SEMA4D: variants seen among roughly 807,000 people sequenced by gnomAD.
The protein encoded by SEMA4D is semaphorin-4D.
SEMA4D carries 22 observed loss-of-function variants against 74.8 expected under a neutral mutation model. The observed-to-expected ratio is 0.29, with a 90% CI of 0.21 to 0.42. SEMA4D has a LOEUF of 0.42. SEMA4D is among the 10% of genes least tolerant of loss of function. The probability of loss-of-function intolerance (pLI) is 1.00; values close to 1 mark genes in which losing one functional copy is unlikely to be tolerated. For missense variants in SEMA4D, 937 were observed against 1,118.4 expected, an observed-to-expected ratio of 0.84 and a Z score of 2.31; for synonymous variants, 445 against 463.7, an observed-to-expected ratio of 0.96 and a Z score of 0.52.
chr9:89,364,067 ACAACTTC>A, intron 16 of SEMA4D: 1 of 1,590,476 alleles, frequency 6.3e-7, no homozygotes, highest in Non-Finnish European at 8.6e-7. Flanking sequence ...GTGACTTGGG[ACAACTTC>A]CAATTCAGTC....
rs932693544 is a variant in SEMA4D, at chr9:89,379,148, G to C, written c.2145C>G (p.Asn715Lys). 1.9e-6 allele frequency: 3 copies of C among 1,614,124 alleles called. No homozygotes were observed. The African/African-American group carries it at 4.0e-5, about 22-fold the overall frequency. Residue 715 changes from asparagine to lysine, a missense_variant, in exon 16 of 16, where the codon AAC becomes AAG. By Grantham distance (94) the Asn-to-Lys change is moderately conservative. Transcript: ENST00000422704. ...TCTCCGAGTGGAGCTGGGGGACCGT[G>C]TTGATGACGATCTTTGGTTCGCAGG... ...GTSCEPKIVI[N>K]TVPQLHSEKT...
chr9:89,483,535 T>C lies in SEMA4D; in HGVS notation c.-310+14384A>G, dbSNP rs550862904. 4.6e-5 allele frequency among the ~76,000 whole-genome samples: 7 copies of C among 152,324 alleles called. No individual in the cohort carries two copies. The East Asian group carries it at 5.8e-4, about 13-fold the overall frequency. On this transcript the variant is annotated intron_variant, in intron 1 of 15. Transcript: ENST00000422704. ...GATAATAATACATAGTGTACACACA[T>C]TGACGTCACGCTAAAATTTTTACAT...
At chr9:89,397,273 A>G (rs538333718) in intron 5 of SEMA4D, among the ~76,000 whole-genome samples, 40 of 150,922 alleles carry the variant, frequency 2.7e-4, no homozygotes, top group South Asian at 6.3e-4. Context: ...TGAAAGCAAT[A>G]TATTTTACTC....
intron 15 of SEMA4D, among the ~76,000 whole-genome samples, chr9:89,380,033 C>CT (rs951997970): frequency 2.6e-5 from 4 of 151,948 alleles, no homozygotes; most frequent in African/African-American, 4.8e-5. Flanking sequence ...CTAAACTTTT[C>CT]TTTTTTTTCT....
intron 13 of SEMA4D, chr9:89,385,381 C>T: frequency 6.1e-6 from 6 of 985,386 alleles, no homozygotes; most frequent in Non-Finnish European, 7.2e-6. Flanking sequence ...AGCACGATGG[C>T]CCCAGAAGAG....
chr9:89,400,488 T>G (rs565345343), intron 4 of SEMA4D, among the ~76,000 whole-genome samples: 1 of 151,310 alleles, frequency 6.6e-6, no homozygotes, highest in East Asian at 1.9e-4. Context: ...GGAGGGAGAG[T>G]ATGAGGAGAG....
intron 2 of SEMA4D, among the ~76,000 whole-genome samples, chr9:89,437,439 C>G (rs972198799): frequency 2.6e-5 from 4 of 152,310 alleles, no homozygotes; most frequent in African/African-American, 9.6e-5. Context: ...GAAGCTCGCC[C>G]TGAGTCTCTG....
In SEMA4D at chr9:89,402,987, C is replaced by G; in HGVS notation, c.136G>C (p.Asp46His). Residue 46 changes from aspartate (D) to histidine (H), a missense_variant, in exon 4 of 16, where the codon GAC becomes CAC. Asp to His is a moderately conservative substitution (Grantham distance 81). Transcript: ENST00000422704. Reference protein sequence around the residue: ...EVHLVQFHEPDIYNYSALLLS... With the variant: ...EVHLVQFHEPHIYNYSALLLS... ...AGCAAGGCTGAGTAGTTGTAGATGT[C>G]TGGCTCATGAAACTGCACCAGGTGC... 2 of 1,612,504 alleles carry G rather than the reference C, an allele frequency of 1.2e-6. No individual in the cohort carries two copies. Among genetic ancestry groups the G allele is most frequent in the Non-Finnish European group, 1.7e-6 (2 of 1,178,538 alleles).
chr9:89,497,613 G>A (rs1421464445), intron 1 of SEMA4D, among the ~76,000 whole-genome samples: 2 of 151,650 alleles, frequency 1.3e-5, no homozygotes, highest in Non-Finnish European at 2.9e-5. Flanking sequence ...TGCGCGCAGG[G>A]ACTGGGGAGG....
chr9:89,405,101 C>T (rs371636038), intron 3 of SEMA4D, among the ~76,000 whole-genome samples: 121 of 149,820 alleles, frequency 8.1e-4, no homozygotes, highest in African/African-American at 2.7e-3. Flanking sequence ...CCTCAGCATT[C>T]CAGGAAGTGG....
chr9:89,459,613 T>A (rs1452846542), intron 1 of SEMA4D, among the ~76,000 whole-genome samples: 4 of 152,104 alleles, frequency 2.6e-5, no homozygotes, highest in Non-Finnish European at 4.4e-5. Flanking sequence ...CAGAGCCTCT[T>A]CCCTGCAGCT....
At chr9:89,459,874 C>T (rs1301946301) in intron 1 of SEMA4D, among the ~76,000 whole-genome samples, 1 of 152,232 alleles carries the variant, frequency 6.6e-6, no homozygotes, top group Non-Finnish European at 1.5e-5. Context: ...TACTAAATAA[C>T]ACACCCTATT....
chr9:89,369,381 A>G (rs1028450293), intron 16 of SEMA4D: 3 of 152,222 alleles, frequency 2.0e-5, no homozygotes, highest in Non-Finnish European at 2.9e-5. Context: ...AAATATCTAA[A>G]TGCTGCCTAA....
chr9:89,406,708 C>T (rs760438458), intron 2 of SEMA4D, among the ~76,000 whole-genome samples: 1 of 152,176 alleles, frequency 6.6e-6, no homozygotes, highest in African/African-American at 2.4e-5. Flanking sequence ...AAAACAGCAA[C>T]CTGGGATCCC....
intron 2 of SEMA4D, among the ~76,000 whole-genome samples, chr9:89,428,981 G>A (rs1187341647): frequency 6.6e-6 from 1 of 152,204 alleles, no homozygotes; most frequent in Non-Finnish European, 1.5e-5. Context: ...AAGACAGACA[G>A]GATGGACCTA....
At chr9:89,438,964 C>CTTTTTT (rs57394947) in intron 2 of SEMA4D, among the ~76,000 whole-genome samples, 1 of 38,214 alleles carries the variant, frequency 2.6e-5, no homozygotes, top group African/African-American at 1.2e-4. Context: ...CGCACCGGGC[C>CTTTTTT]TTTTTTTTTT....
intron 2 of SEMA4D, among the ~76,000 whole-genome samples, chr9:89,415,723 T>C (rs1409233774): frequency 1.3e-5 from 2 of 152,218 alleles, no homozygotes; most frequent in Non-Finnish European, 2.9e-5. Context: ...TGTCTGTTTT[T>C]ATGTCACCCA....
At chr9:89,427,353 T>C (rs745453502) in intron 2 of SEMA4D, among the ~76,000 whole-genome samples, 2 of 152,078 alleles carry the variant, frequency 1.3e-5, no homozygotes, top group African/African-American at 4.8e-5. Context: ...GTCAAGTGCA[T>C]ATGGACTAAG....
At chr9:89,405,306 T>TC (rs1243448820) in intron 3 of SEMA4D, 45 bp downstream of exon 3, 1 of 1,536,160 alleles carries the variant, frequency 6.5e-7, no homozygotes, top group South Asian at 1.1e-5. Flanking sequence ...GGCAGTGAGG[T>TC]CCCCATCCCA....
Sources: allele counts gnomAD v4.1 joint callset (sites outside exome capture counted in the v4.1 genomes callset), GRCh38; gene constraint gnomAD v4.1.1; transcripts MANE v1.5; gene names NCBI Gene and HGNC (gene_info 2026-07-23, HGNC 2026-07-21).